KPNA5: variants seen among roughly 807,000 people sequenced by gnomAD.
KPNA5 encodes importin subunit alpha-6.
KPNA5 carries 46 observed loss-of-function variants against 71.3 expected under a neutral mutation model. The observed-to-expected ratio is 0.65, with a 90% CI of 0.51 to 0.83. KPNA5 has a LOEUF of 0.83. Ranked by LOEUF, KPNA5 falls within the 40% of genes least tolerant of loss-of-function variation. The probability of loss-of-function intolerance (pLI) is 0.00; values close to 1 mark genes in which losing one functional copy is unlikely to be tolerated. For missense variants in KPNA5, 547 were observed against 628.3 expected, an observed-to-expected ratio of 0.87 and a Z score of 1.38; for synonymous variants, 207 against 201.4, an observed-to-expected ratio of 1.03 and a Z score of -0.24.
intron 7 of KPNA5, among the ~76,000 whole-genome samples, chr6:116,706,152 TTG>T: frequency 6.6e-6 from 1 of 152,372 alleles, no homozygotes; most frequent in South Asian, 2.1e-4. Flanking sequence ...AATTTGAGAC[TTG>T]TCTCACCTGA....
chr6:116,701,949 C>T (rs961817022), intron 5 of KPNA5, 70 bp from the exon 6 acceptor site: 17 of 1,472,200 alleles, frequency 1.2e-5, no homozygotes, highest in South Asian at 9.0e-5. Context: ...TTTACTCCCT[C>T]TCTTTCCTTC....
Position 116,698,795 on chromosome 6 carries a change from A to T in KPNA5, c.432A>T (p.Leu144Phe), listed in dbSNP as rs1778123180. ...TTGAAAGAAATGAAAATTGCACTTT[A>T]CAAGTGAGTCTAAAGTTTTCTTTCT... ...KFLERNENCT[L>F]QFEAAWALTN... The change falls in exon 5 of 14, where the codon TTA becomes TTT. Residue 144 changes from leucine (L) to phenylalanine (F), a missense_variant. Transcript: ENST00000368564. The T allele has an allele frequency of 6.5e-7, 1 of 1,540,026 alleles. No individual in the cohort carries two copies. Among genetic ancestry groups the T allele is most frequent in the African/African-American group, 1.4e-5 (1 of 71,824 alleles).
At chr6:116,699,494 G>A (rs957087315) in intron 5 of KPNA5, among the ~76,000 whole-genome samples, 1 of 152,128 alleles carries the variant, frequency 6.6e-6, no homozygotes, top group African/African-American at 2.4e-5. Context: ...AATAATGGAG[G>A]ACTGTTACTT....
intron 12 of KPNA5, among the ~76,000 whole-genome samples, chr6:116,728,304 T>C (rs573265212): frequency 1.6e-4 from 25 of 152,276 alleles, no homozygotes; most frequent in Non-Finnish European, 3.1e-4. Context: ...ATCTATTCTG[T>C]ATATTATTGC....
chr6:116,705,201 A>G, intron 7 of KPNA5, 41 bp downstream of exon 7: 2 of 1,365,646 alleles, frequency 1.5e-6, no homozygotes, highest in Non-Finnish European at 2.1e-6. Flanking sequence ...CAAAAACTAT[A>G]TACTCCATGA....
intron 1 of KPNA5, 62 bp downstream of exon 1, chr6:116,681,400 A>C: frequency 6.7e-7 from 1 of 1,498,136 alleles, no homozygotes; most frequent in Non-Finnish European, 8.9e-7. Flanking sequence ...TTTGGGAACT[A>C]CTAGTTCCTG....
intron 8 of KPNA5, among the ~76,000 whole-genome samples, chr6:116,718,312 G>A (rs1409680702): frequency 1.3e-5 from 2 of 149,644 alleles, no homozygotes; most frequent in Admixed American, 1.3e-4. Context: ...ACCCAGGCTG[G>A]AGTGCAGTGG....
At chr6:116,729,980 G>C (rs1323168755) in intron 13 of KPNA5, among the ~76,000 whole-genome samples, 1 of 144,038 alleles carries the variant, frequency 6.9e-6, no homozygotes, top group Non-Finnish European at 1.5e-5. Flanking sequence ...ATAGTTTTAT[G>C]TTCTACTTTT....
chr6:116,711,873 G>C (rs1329433673), intron 7 of KPNA5, among the ~76,000 whole-genome samples: 1 of 152,078 alleles, frequency 6.6e-6, no homozygotes, highest in Non-Finnish European at 1.5e-5. Context: ...CACCTGCCTT[G>C]GTCTCCCGAA....
At position 116,716,227 on chromosome 6, in the gene KPNA5, C is replaced by T. The variant is rs771599391; in HGVS notation, c.665C>T (p.Thr222Ile). 8.1e-6 allele frequency: 13 copies of T among 1,608,940 alleles called. No individual in the cohort carries two copies. The African/African-American group carries it at 1.7e-4, about 22-fold the overall frequency. ...EILPPLLELLTNSNRLTTTRN... is the reference protein window; with the variant it reads ...EILPPLLELLINSNRLTTTRN... ...TTTCTTTTTCTTGGCAGGTTATTAACAAATTCAAACAGACTCACAACAACA... is the reference window on the plus strand; with the variant it reads ...TTTCTTTTTCTTGGCAGGTTATTAATAAATTCAAACAGACTCACAACAACA... The change falls in exon 8 of 14, where the codon ACA becomes ATA. Residue 222 changes from threonine to isoleucine, a missense_variant. By Grantham distance (89) the Thr-to-Ile change is moderately conservative (BLOSUM62 -1). Transcript: ENST00000368564.
intron 13 of KPNA5, among the ~76,000 whole-genome samples, chr6:116,730,083 A>AT (rs1422058755): frequency 5.8e-5 from 8 of 138,696 alleles, no homozygotes; most frequent in East Asian, 2.2e-4. Context: ...AAAAATATGT[A>AT]ATTTTTTTTT....
chr6:116,728,966 AT>A (rs1167023371), intron 12 of KPNA5, among the ~76,000 whole-genome samples: 1 of 152,010 alleles, frequency 6.6e-6, no homozygotes, highest in African/African-American at 2.4e-5. Flanking sequence ...AAATTAAAGA[AT>A]TTTTTTGTGA....
chr6:116,716,451 ATACAG>A (rs2114467972), intron 8 of KPNA5, 133 bp downstream of exon 8: 1 of 684,224 alleles, frequency 1.5e-6, no homozygotes, highest in African/African-American at 1.8e-5. Context: ...GTTTGCACAT[ATACAG>A]TATTCAAAAG....
rs774117911 is a variant in KPNA5, at chr6:116,692,292, G to T, written c.241-1G>T. The T allele has an allele frequency of 3.8e-6, 6 of 1,570,438 alleles. No individual in the cohort carries two copies. Among genetic ancestry groups the T allele is most frequent in the Non-Finnish European group, 5.2e-6 (6 of 1,152,428 alleles). On this transcript the variant is annotated splice_acceptor_variant, in intron 3 of 13. Transcript: ENST00000368564. LOFTEE classifies it high-confidence loss of function. ...ATTATATTTTTGTGTGTGTGTTTTA[G>T]GAAGAAGTTGTTACTACAGATATGG...
intron 13 of KPNA5, 50 bp downstream of exon 13, chr6:116,729,791 C>T (rs1779417746): frequency 1.7e-6 from 2 of 1,156,880 alleles, no homozygotes; most frequent in Admixed American, 3.0e-5. Flanking sequence ...TTATATCTGT[C>T]ATACTTTCCC....
chr6:116,700,439 C>T (rs924299418), intron 5 of KPNA5, among the ~76,000 whole-genome samples: 1 of 151,834 alleles, frequency 6.6e-6, no homozygotes, highest in African/African-American at 2.4e-5. Context: ...CACTGCACTC[C>T]AGCCTGGGCC....
chr6:116,706,375 A>G (rs1365245283), intron 7 of KPNA5, among the ~76,000 whole-genome samples: 1 of 152,234 alleles, frequency 6.6e-6, no homozygotes, highest in Non-Finnish European at 1.5e-5. Context: ...ACCAGTACCC[A>G]GCTATGTAGT....
rs555448220 is a variant in KPNA5, at chr6:116,700,449, C to G, written c.436-1570C>G. Among the ~76,000 whole-genome samples the G allele has an allele frequency of 3.5e-4, 53 of 150,784 alleles. 1 individual carries two copies. The highest frequency in any genetic ancestry group is 1.3e-3 in the African/African-American group (53 of 41,278). On this transcript the variant is annotated intron_variant, in intron 5 of 13. Transcript: ENST00000368564. The stretch of plus-strand genomic sequence containing the variant: ...CACACCACTGCACTCCAGCCTGGGC[C>G]CTGTCTCTAAATAAATAAACAAACA...
At chr6:116,729,478 T>C in intron 12 of KPNA5, 85 bp from the exon 13 acceptor site, 1 of 830,538 alleles carries the variant, frequency 1.2e-6, no homozygotes, top group Non-Finnish European at 1.7e-6. Context: ...CTATGAAAAA[T>C]ATTTTTGTGT....
Sources: allele counts gnomAD v4.1 joint callset (sites outside exome capture counted in the v4.1 genomes callset), GRCh38; gene constraint gnomAD v4.1.1; transcripts MANE v1.5; gene names NCBI Gene and HGNC (gene_info 2026-07-23, HGNC 2026-07-21).